Variants in PRICKLE2 observed in about 807,000 individuals in gnomAD.
PRICKLE2 encodes the protein prickle-like protein 2.
A neutral mutation model predicts 81.4 loss-of-function variants in PRICKLE2; 21 were observed. That is an observed-to-expected ratio of 0.26 (90% CI 0.18 to 0.37). The LOEUF is 0.37. PRICKLE2 is among the 10% of genes least tolerant of loss of function. The probability of loss-of-function intolerance (pLI) is 1.00; values close to 1 mark genes in which losing one functional copy is unlikely to be tolerated. For missense variants in PRICKLE2, 940 were observed against 1,109.0 expected, an observed-to-expected ratio of 0.85 and a Z score of 2.16; for synonymous variants, 456 against 421.5, an observed-to-expected ratio of 1.08 and a Z score of -1.00.
intron 1 of PRICKLE2, among the ~76,000 whole-genome samples, chr3:64,201,947 C>T (rs371596645): frequency 3.9e-5 from 6 of 152,128 alleles, no homozygotes; most frequent in African/African-American, 1.4e-4. Flanking sequence ...CCTTCATTCT[C>T]ATGTGGCTAT....
chr3:64,114,511 A>T (rs183587850), intron 7 of PRICKLE2, among the ~76,000 whole-genome samples: 134 of 152,304 alleles, frequency 8.8e-4, no homozygotes, highest in African/African-American at 3.0e-3. Flanking sequence ...CAAAATAGCC[A>T]ATATAGAGAA....
intron 1 of PRICKLE2, among the ~76,000 whole-genome samples, chr3:64,202,437 T>G (rs2078600521): frequency 6.6e-6 from 1 of 152,158 alleles, no homozygotes; most frequent in Non-Finnish European, 1.5e-5. Flanking sequence ...TCAATTATAT[T>G]TTGTGGTTTT....
chr3:64,100,042 C>T, intron 7 of PRICKLE2, 117 bp from the exon 8 acceptor site: 3 of 1,142,748 alleles, frequency 2.6e-6, no homozygotes, highest in Non-Finnish European at 3.8e-6. Flanking sequence ...TTGTGTACTG[C>T]ACAAAGGCCC....
chr3:64,196,244 T>A (rs984641816), intron 2 of PRICKLE2, among the ~76,000 whole-genome samples: 1 of 152,198 alleles, frequency 6.6e-6, no homozygotes, highest in African/African-American at 2.4e-5. Flanking sequence ...TAGAGAAAAC[T>A]CTATTTAAGC....
At chr3:64,144,360 C>T (rs1205072724) in intron 7 of PRICKLE2, among the ~76,000 whole-genome samples, 1 of 152,190 alleles carries the variant, frequency 6.6e-6, no homozygotes, top group South Asian at 2.1e-4. Context: ...AACAATATTC[C>T]TCCCTCACAG....
In PRICKLE2 at chr3:64,114,454, T is replaced by A. The variant is rs371034084; in HGVS notation, c.1661-14529A>T. Among the ~76,000 whole-genome samples the A allele has an allele frequency of 8.6e-5, 13 of 151,906 alleles. No homozygotes were observed. In the East Asian group the frequency reaches 1.9e-3, roughly 23 times the overall value. On this transcript the variant is annotated intron_variant, in intron 7 of 7. Coordinates refer to ENST00000638394, the MANE Select transcript of PRICKLE2 (RefSeq NM_198859.4). Reference sequence around the variant, plus strand: ...TTGAGCTCAGTACACTGAAACCCAATGCAAGGAAGCTAAAAATGATGATAA... The same window carrying A: ...TTGAGCTCAGTACACTGAAACCCAAAGCAAGGAAGCTAAAAATGATGATAA...
At chr3:64,152,380 G>A (rs1469833483) in intron 6 of PRICKLE2, among the ~76,000 whole-genome samples, 1 of 152,130 alleles carries the variant, frequency 6.6e-6, no homozygotes, top group Non-Finnish European at 1.5e-5. Flanking sequence ...GTTGAATGAA[G>A]AAGCCACAAT....
rs2076541377 is a variant in PRICKLE2 at position 64,094,375 on chromosome 3, A to G, written c.*4676T>C. ...AAGCTTGGTCAGTGACCTGTTGAATATCAATGGCCAAATGCCAAGCAGAGT... is the reference window on the plus strand; with the variant it reads ...AAGCTTGGTCAGTGACCTGTTGAATGTCAATGGCCAAATGCCAAGCAGAGT... On this transcript the variant is annotated 3_prime_UTR_variant, in exon 8 of 8. Coordinates refer to ENST00000638394, the MANE Select transcript of PRICKLE2 (RefSeq NM_198859.4). 6.6e-6 allele frequency: 1 copy of G among 152,232 alleles called. No homozygotes were observed. The highest frequency in any genetic ancestry group is 1.5e-5 in the Non-Finnish European group (1 of 68,044). 9.4% of individuals were successfully genotyped at this position (152,232 alleles called of 1,614,324 possible). A position where few individuals can be genotyped will look rare whatever the true frequency, so the allele number is the denominator to read the frequency against.
intron 2 of PRICKLE2, among the ~76,000 whole-genome samples, chr3:64,191,964 C>A (rs748006352): frequency 6.6e-6 from 1 of 152,186 alleles, no homozygotes; most frequent in Non-Finnish European, 1.5e-5. Context: ...AGACTTGGAG[C>A]TGGTGGAGCT....
chr3:64,237,811 T>C (rs986826538), intron 2 of PRICKLE2, among the ~76,000 whole-genome samples: 3 of 152,144 alleles, frequency 2.0e-5, no homozygotes, highest in Non-Finnish European at 2.9e-5. Flanking sequence ...CTGTGGGATG[T>C]ATTGTACAAA....
At position 64,099,286 on chromosome 3, in the gene PRICKLE2, G is replaced by A. The variant is rs777898756; in HGVS notation, c.2300C>T (p.Pro767Leu). Residue 767 changes from proline to leucine, a missense_variant, in exon 8 of 8, where the codon CCC becomes CTC. This residue lies in a region of PRICKLE2 where 670 missense variants were observed against 717.2 expected (regional missense o/e 0.93). Transcript: ENST00000638394. This position sits in a 1 kb window ranked among gnomAD's most constrained non-coding sequence, Gnocchi z 4.3. ...ACACCAATCATACTCGGCGAAGTAG[G>A]GTCCCCAGCGGTCCCCAAAGGCATT... ...LQNAFGDRWG[P>L]YFAEYDWCST... is the part of the protein sequence containing the mutation. 6.2e-7 allele frequency: 1 copy of A among 1,614,190 alleles called. No homozygotes were observed. Among genetic ancestry groups the A allele is most frequent in the Non-Finnish European group, 8.5e-7 (1 of 1,180,032 alleles).
At chr3:64,177,921 G>A (rs1471924328) in intron 2 of PRICKLE2, among the ~76,000 whole-genome samples, 1 of 152,136 alleles carries the variant, frequency 6.6e-6, no homozygotes, top group East Asian at 1.9e-4. Context: ...TATATACCTA[G>A]GAGTGGAATT....
intron 2 of PRICKLE2, among the ~76,000 whole-genome samples, chr3:64,179,019 C>A (rs539842978): frequency 2.8e-3 from 377 of 132,352 alleles, no homozygotes; most frequent in African/African-American, 9.7e-3. Context: ...TTCTTTCTTT[C>A]TTTCTTTCTT....
chr3:64,215,200 C>G (rs2078853333), intron 1 of PRICKLE2, among the ~76,000 whole-genome samples: 1 of 152,142 alleles, frequency 6.6e-6, no homozygotes, highest in African/African-American at 2.4e-5. Context: ...CCTCTCTCCC[C>G]AAATTTATTT....
At chr3:64,253,972 T>C (rs1438910388) in intron 2 of PRICKLE2, among the ~76,000 whole-genome samples, 1 of 152,180 alleles carries the variant, frequency 6.6e-6, no homozygotes, top group Non-Finnish European at 1.5e-5. Context: ...CCTCGTGAGA[T>C]GAGTGATTAC....
At position 64,099,394 on chromosome 3, in the gene PRICKLE2, C is replaced by A; in HGVS notation, c.2192G>T (p.Ser731Ile). ...EDYDQFMRQRSFQESMGHGSR... is the reference protein window; with the variant it reads ...EDYDQFMRQRIFQESMGHGSR... ...CCCATGCCCCATGCTCTCCTGGAAGCTCCGCTGGCGCATAAATTGGTCATA... is the reference window on the plus strand; with the variant it reads ...CCCATGCCCCATGCTCTCCTGGAAGATCCGCTGGCGCATAAATTGGTCATA... Residue 731 changes from serine (S) to isoleucine (I), a missense_variant, in exon 8 of 8, where the codon AGC (serine) becomes ATC (isoleucine). Ser to Ile is a moderately radical substitution (Grantham distance 142). Coordinates refer to ENST00000638394, the MANE Select transcript of PRICKLE2 (RefSeq NM_198859.4). This position sits in a 1 kb window ranked among gnomAD's most constrained non-coding sequence, Gnocchi z 4.3. The A allele has an allele frequency of 1.2e-6, 2 of 1,602,998 alleles. No individual in the cohort carries two copies. Among genetic ancestry groups the A allele is most frequent in the Non-Finnish European group, 1.7e-6 (2 of 1,172,208 alleles).
In PRICKLE2 at chr3:64,099,780, T is replaced by C. The variant is rs1042518554; in HGVS notation, c.1806A>G (p.Ala602=). ...TLNSSMQFRS[A]ESVRSLLSAQ... ...CAGAGAGCAGGCTGCGAACTGACTC[T>C]GCGCTCCGGAACTGCATGGACGAGT... Residue 602 remains alanine (A), a synonymous_variant, in exon 8 of 8, where the codon GCA becomes GCG. Coordinates refer to ENST00000638394, the MANE Select transcript of PRICKLE2 (RefSeq NM_198859.4). This position sits in a 1 kb window ranked among gnomAD's most constrained non-coding sequence, Gnocchi z 4.3. 1 of 1,614,232 alleles carries C rather than the reference T, an allele frequency of 6.2e-7. No homozygotes were observed. Among genetic ancestry groups the C allele is most frequent in the Non-Finnish European group, 8.5e-7 (1 of 1,180,036 alleles).
chr3:64,235,708 T>C (rs2079170933), intron 2 of PRICKLE2, among the ~76,000 whole-genome samples: 1 of 152,172 alleles, frequency 6.6e-6, no homozygotes, highest in Non-Finnish European at 1.5e-5. Context: ...CACTAGCTGA[T>C]TGTTCTATTG....
intron 2 of PRICKLE2, among the ~76,000 whole-genome samples, chr3:64,254,558 A>T (rs2079497143): frequency 6.6e-6 from 1 of 152,142 alleles, no homozygotes; most frequent in African/African-American, 2.4e-5. Context: ...GGCCAGGACT[A>T]ATTATTATTA....
Sources: allele counts gnomAD v4.1 joint callset (sites outside exome capture counted in the v4.1 genomes callset), GRCh38; gene constraint gnomAD v4.1.1; regional missense constraint gnomAD v4.1.1; non-coding constraint Gnocchi (gnomAD v3.1); transcripts MANE v1.5; gene names NCBI Gene and HGNC (gene_info 2026-07-23, HGNC 2026-07-21).